The following INPP4A variants were observed in gnomAD, a reference collection of about 807,000 sequenced individuals.
The protein encoded by INPP4A is inositol polyphosphate-4-phosphatase, type I, 107kD.
Under a neutral mutation model 119.8 loss-of-function variants are expected in INPP4A, and 33 were observed. The ratio of observed to expected loss-of-function variants is 0.28; its 90% CI spans 0.21 to 0.37. The LOEUF is 0.37. Ranked by LOEUF, INPP4A falls within the 10% of genes least tolerant of loss-of-function variation. The probability of loss-of-function intolerance (pLI) is 1.00; values close to 1 mark genes in which losing one functional copy is unlikely to be tolerated. For synonymous variants in INPP4A, 496 were observed against 500.7 expected, an observed-to-expected ratio of 0.99 and a Z score of 0.12; for missense variants, 956 against 1,289.9, an observed-to-expected ratio of 0.74 and a Z score of 3.97.
At position 98,505,824 on chromosome 2, in the gene INPP4A, C is replaced by T. The variant is rs553350381; in HGVS notation, c.-165-13140C>T. On this transcript the variant is annotated intron_variant, in intron 1 of 24. Coordinates refer to ENST00000409851, the MANE Select transcript of INPP4A (RefSeq NM_001134225.2). ...ATATTTATAGAATCCCTGTCTCCACCATTAGAAATACAGAATATTCTTGCT... is the reference window on the plus strand; with the variant it reads ...ATATTTATAGAATCCCTGTCTCCACTATTAGAAATACAGAATATTCTTGCT... Among the ~76,000 whole-genome samples, 16 of 152,272 alleles carry T rather than the reference C, an allele frequency of 1.1e-4. No individual in the cohort carries two copies. In the South Asian group the frequency reaches 2.7e-3, roughly 26 times the overall value.
intron 24 of INPP4A, among the ~76,000 whole-genome samples, chr2:98,579,002 C>T (rs973563141): frequency 2.0e-5 from 3 of 152,054 alleles, no homozygotes; most frequent in Non-Finnish European, 2.9e-5. Flanking sequence ...TTGCAAATAA[C>T]AGTCTTGTGA....
At chr2:98,534,386 A>G (rs543649716) in intron 5 of INPP4A, among the ~76,000 whole-genome samples, 1 of 152,298 alleles carries the variant, frequency 6.6e-6, no homozygotes, top group African/African-American at 2.4e-5. Flanking sequence ...AGGTAAGGAG[A>G]GCACCAGGAG....
chr2:98,535,863 A>T lies in INPP4A; in HGVS notation c.387+18A>T. On this transcript the variant is annotated intron_variant, in intron 6 of 24. Coordinates refer to ENST00000409851, the MANE Select transcript of INPP4A (RefSeq NM_001134225.2). ...AGGGAACAGTTAAGTAATGTGTTGT[A>T]GTTCGTGGGATTTTCTTCCCTTTGA... 1 of 1,242,506 alleles carries T rather than the reference A, an allele frequency of 8.0e-7. No individual in the cohort carries two copies. 77.0% of individuals were successfully genotyped at this position (1,242,506 alleles called of 1,614,324 possible).
chr2:98,525,328 C>T (rs1300825844), intron 4 of INPP4A, among the ~76,000 whole-genome samples: 1 of 152,172 alleles, frequency 6.6e-6, no homozygotes, highest in African/African-American at 2.4e-5. Flanking sequence ...ATGATTCACC[C>T]TAAGGCCTTC....
At chr2:98,518,143 T>C (rs1686506509) in intron 1 of INPP4A, among the ~76,000 whole-genome samples, 1 of 152,276 alleles carries the variant, frequency 6.6e-6, no homozygotes, top group Non-Finnish European at 1.5e-5. Flanking sequence ...ATATTAGTAC[T>C]GTAAGCACTT....
chr2:98,479,742 T>A (rs1256662519), intron 1 of INPP4A, among the ~76,000 whole-genome samples: 1 of 152,212 alleles, frequency 6.6e-6, no homozygotes, highest in African/African-American at 2.4e-5. Flanking sequence ...ACAGATTTCT[T>A]CCTGTCCTTG....
At chr2:98,467,651 A>G (rs574582248) in intron 1 of INPP4A, among the ~76,000 whole-genome samples, 6 of 152,158 alleles carry the variant, frequency 3.9e-5, no homozygotes, top group Admixed American at 2.0e-4. Flanking sequence ...CTTAAGTTAG[A>G]GTTTTTGCAT....
Position 98,577,426 on chromosome 2 carries a change from C to T in INPP4A, c.2786+283C>T, listed in dbSNP as rs183405807. ...GCAAGCCACGGGTCAGGCAGCTAAA[C>T]GGGAAGCTGGGAAGCAGCCATGACA... On this transcript the variant is annotated intron_variant, in intron 24 of 24. Coordinates refer to ENST00000409851, the MANE Select transcript of INPP4A (RefSeq NM_001134225.2). Among the ~76,000 whole-genome samples the T allele has an allele frequency of 1.6e-3, 247 of 152,342 alleles. 2 individuals are homozygous for T. The highest frequency in any genetic ancestry group is 5.4e-3 in the African/African-American group (226 of 41,576).
chr2:98,567,535 G>T (rs562044780), intron 21 of INPP4A, among the ~76,000 whole-genome samples: 35 of 152,304 alleles, frequency 2.3e-4, no homozygotes, highest in African/African-American at 8.2e-4. Context: ...AAATGATGGT[G>T]CCTGCATCCA....
intron 1 of INPP4A, among the ~76,000 whole-genome samples, chr2:98,477,710 T>G (rs1677540041): frequency 6.6e-6 from 1 of 152,250 alleles, no homozygotes. Flanking sequence ...TCCAGGAGTC[T>G]GATGAACAGA....
intron 1 of INPP4A, among the ~76,000 whole-genome samples, chr2:98,447,910 A>C (rs568879739): frequency 1.3e-4 from 20 of 152,032 alleles, no homozygotes; most frequent in African/African-American, 4.3e-4. Context: ...AGCCGGGCTT[A>C]GTGGTGGGCG....
chr2:98,552,166 G>A (rs1486596249), intron 13 of INPP4A, among the ~76,000 whole-genome samples: 1 of 152,204 alleles, frequency 6.6e-6, no homozygotes, highest in African/African-American at 2.4e-5. Context: ...TTCATTTGAT[G>A]AAACGTTATT....
intron 1 of INPP4A, among the ~76,000 whole-genome samples, chr2:98,466,191 G>A (rs1446068910): frequency 1.3e-5 from 2 of 152,148 alleles, no homozygotes; most frequent in East Asian, 1.9e-4. Flanking sequence ...GACTACAGGC[G>A]TACGCCACCA....
In INPP4A at chr2:98,592,166, T is replaced by C. The variant is rs1700432013; in HGVS notation, c.*4558T>C. 6.6e-6 allele frequency: 1 copy of C among 152,270 alleles called. No individual in the cohort carries two copies. The highest frequency in any genetic ancestry group is 2.1e-4 in the South Asian group (1 of 4,826). The allele number at this position is 152,270 out of a possible 1,614,324, so 9.4% of individuals were successfully genotyped here. On this transcript the variant is annotated 3_prime_UTR_variant, in exon 25 of 25. Transcript: ENST00000409851. ...TGCATTTGGAGATGGACAAACTCTC[T>C]TCTTCTTATCACTTTCTCCCCAAAA...
chr2:98,570,123 TC>T lies in INPP4A; in HGVS notation c.2518+1458del. Among the ~76,000 whole-genome samples, 1 of 152,018 alleles carries T rather than the reference TC, an allele frequency of 6.6e-6. No homozygotes were observed. Among genetic ancestry groups the T allele is most frequent in the Non-Finnish European group, 1.5e-5 (1 of 67,984 alleles). ...GAGTTGCCGGCAACAGCTGGGGCCG[TC>T]CCGCTGATGAGAGAGGCGCAGGGCT... is the stretch of plus-strand genomic sequence containing the variant. On this transcript the variant is annotated intron_variant, in intron 22 of 24. Coordinates refer to ENST00000409851, the MANE Select transcript of INPP4A (RefSeq NM_001134225.2). The surrounding 1 kb of genome is among the most constrained non-coding windows in gnomAD (Gnocchi z 4.3).
intron 24 of INPP4A, among the ~76,000 whole-genome samples, chr2:98,580,379 G>A (rs992595715): frequency 1.3e-5 from 2 of 152,212 alleles, no homozygotes; most frequent in Non-Finnish European, 2.9e-5. Context: ...GATCTGTAAT[G>A]TTTGCCATTT....
At chr2:98,567,569 G>T (rs761796718) in intron 21 of INPP4A, among the ~76,000 whole-genome samples, 1 of 152,232 alleles carries the variant, frequency 6.6e-6, no homozygotes, top group Non-Finnish European at 1.5e-5. Context: ...CCACAGACTT[G>T]CAGGAGCAGT....
intron 1 of INPP4A, among the ~76,000 whole-genome samples, chr2:98,514,544 A>G (rs1408896812): frequency 1.3e-5 from 2 of 151,904 alleles, no homozygotes; most frequent in Admixed American, 6.6e-5. Context: ...TGGGGAGGGG[A>G]GAGAGGCTGA....
chr2:98,486,197 GA>G (rs1679504537), intron 1 of INPP4A, among the ~76,000 whole-genome samples: 1 of 152,136 alleles, frequency 6.6e-6, no homozygotes, highest in African/African-American at 2.4e-5. Context: ...CTCTTTCCTG[GA>G]GTCTCACTCA....
Sources: allele counts gnomAD v4.1 joint callset (sites outside exome capture counted in the v4.1 genomes callset), GRCh38; gene constraint gnomAD v4.1.1; non-coding constraint Gnocchi (gnomAD v3.1); transcripts MANE v1.5; gene names NCBI Gene and HGNC (gene_info 2026-07-23, HGNC 2026-07-21).